GPRC5C: variants seen among roughly 807,000 people sequenced by gnomAD.
GPRC5C encodes G protein-coupled receptor family C group 5 member C.
In GPRC5C, 22 loss-of-function variants were observed where a neutral mutation model predicts 31.4. The ratio of observed to expected loss-of-function variants is 0.70; its 90% CI spans 0.50 to 1.00. The LOEUF (loss-of-function observed/expected upper bound fraction) is 1.00, where lower values mean the gene tolerates loss of function less well. GPRC5C is among the 50% of genes least tolerant of loss of function. The pLI, the probability that GPRC5C is intolerant of heterozygous loss-of-function variation, is 0.00. For missense variants in GPRC5C, 557 were observed against 597.2 expected, an observed-to-expected ratio of 0.93 and a Z score of 0.70; for synonymous variants, 249 against 257.5, an observed-to-expected ratio of 0.97 and a Z score of 0.32.
downstream of GPRC5C, chr17:74,448,795 A>C (rs1470820320): frequency 3.1e-5 from 30 of 974,572 alleles, no homozygotes; most frequent in Non-Finnish European, 4.3e-5. Context: ...ACAGGGCCTC[A>C]GAGTAGTTCT....
intron 2 of GPRC5C, 55 bp from the exon 3 acceptor site, chr17:74,443,763 G>T: frequency 7.8e-7 from 1 of 1,285,050 alleles, no homozygotes; most frequent in South Asian, 1.2e-5. Flanking sequence ...GTGGGAGGTG[G>T]GGAAGGGAGC....
intron 1 of GPRC5C, among the ~76,000 whole-genome samples, chr17:74,435,351 G>T (rs1193937154): frequency 6.6e-6 from 1 of 152,258 alleles, no homozygotes; most frequent in South Asian, 2.1e-4. Context: ...GCCACGCCCA[G>T]AAAGCCCAGG....
chr17:74,441,550 C>T lies in GPRC5C; in HGVS notation c.1051+723C>T, dbSNP rs114645316. On this transcript the variant is annotated intron_variant, in intron 2 of 3. Coordinates refer to ENST00000392627, the MANE Select transcript of GPRC5C (RefSeq NM_022036.4). The stretch of plus-strand genomic sequence containing the variant: ...ATTGAATTAATTAGTGCCGGCTGGG[C>T]GCCATGGCTCACACCTGTAATCCCA... Among the ~76,000 whole-genome samples the T allele has an allele frequency of 3.0e-3, 449 of 152,142 alleles. 1 individual carries two copies. Among genetic ancestry groups the T allele is most frequent in the African/African-American group, 0.01 (435 of 41,518 alleles).
At chr17:74,432,220 C>A (rs1482406231) in intron 1 of GPRC5C, 79 bp downstream of exon 1, 7 of 1,551,318 alleles carry the variant, frequency 4.5e-6, no homozygotes, top group Non-Finnish European at 5.2e-6. Context: ...CGGCGGGCGC[C>A]CGATTAGCGC....
downstream of GPRC5C, chr17:74,449,391 G>A (rs754623687): frequency 2.0e-5 from 25 of 1,273,194 alleles, no homozygotes; most frequent in East Asian, 1.1e-4. Flanking sequence ...GGGACTGCAC[G>A]GCATCCTGAT....
intron 2 of GPRC5C, among the ~76,000 whole-genome samples, chr17:74,442,900 G>T (rs574615703): frequency 6.6e-6 from 1 of 152,302 alleles, no homozygotes; most frequent in South Asian, 2.1e-4. Context: ...AGGAGCCTCA[G>T]GCCCCGCCCC....
At position 74,439,968 on chromosome 17, in the gene GPRC5C, G is replaced by A. The variant is rs183664785; in HGVS notation, c.192G>A (p.Thr64=). The A allele has an allele frequency of 8.9e-5, 143 of 1,610,338 alleles. No individual in the cohort carries two copies. In the East Asian group the frequency reaches 1.4e-3, roughly 16 times the overall value. The change falls in exon 2 of 4, where the codon ACG becomes ACA. Residue 64 remains threonine (T), a synonymous_variant. Transcript: ENST00000392627. The part of the protein sequence containing the change: ...EAVAGAGIVT[T]FVLTIILVAS... ...TGGCTGGGGCGGGCATTGTCACCAC[G>A]TTTGTGCTCACCATCATCCTGGTGG... is the stretch of plus-strand genomic sequence containing the variant.
rs1371535741 is a variant in GPRC5C at position 74,440,471 on chromosome 17, G to A, written c.695G>A (p.Cys232Tyr). The change falls in exon 2 of 4, where the codon TGT (cysteine) becomes TAT (tyrosine). Residue 232 changes from cysteine (C) to tyrosine (Y), a missense_variant. Coordinates refer to ENST00000392627, the MANE Select transcript of GPRC5C (RefSeq NM_022036.4). The surrounding 1 kb of genome is among the most constrained non-coding windows in gnomAD (Gnocchi z 4.4). ...TTCCTGGGGGCCTGGCCCGCCCTGT[G>A]TGGCCGCTACAAGCGCTGGCGTAAG... ...GAFLGAWPAL[C>Y]GRYKRWRKHG... 1.9e-6 allele frequency: 3 copies of A among 1,614,154 alleles called. No homozygotes were observed. The highest frequency in any genetic ancestry group is 1.7e-6 in the Non-Finnish European group (2 of 1,180,036).
At chr17:74,436,352 C>T (rs1244910813) in intron 1 of GPRC5C, among the ~76,000 whole-genome samples, 1 of 152,110 alleles carries the variant, frequency 6.6e-6, no homozygotes, top group Non-Finnish European at 1.5e-5. Context: ...TTTGGGTGTC[C>T]CTGTCTCTTG....
downstream of GPRC5C, chr17:74,449,890 T>C: frequency 6.5e-6 from 1 of 155,024 alleles, no homozygotes; most frequent in Non-Finnish European, 1.4e-5. Flanking sequence ...CACCAGGGCC[T>C]CCTGCCACCA....
intron 2 of GPRC5C, 158 bp from the exon 3 acceptor site, chr17:74,443,660 C>A (rs1246596879): frequency 1.5e-6 from 1 of 655,798 alleles, no homozygotes. Context: ...CACAACCTCA[C>A]CCCCAAGTTG....
At chr17:74,434,271 C>A (rs909786644) in intron 1 of GPRC5C, among the ~76,000 whole-genome samples, 1 of 152,206 alleles carries the variant, frequency 6.6e-6, no homozygotes, top group Non-Finnish European at 1.5e-5. Flanking sequence ...TCCTACCCCC[C>A]TCCTTGAACC....
chr17:74,447,299 G>A lies in GPRC5C; in HGVS notation c.*271G>A, dbSNP rs563641159. On this transcript the variant is annotated 3_prime_UTR_variant, in exon 4 of 4. Coordinates refer to ENST00000392627, the MANE Select transcript of GPRC5C (RefSeq NM_022036.4). ...TCCAGCCAAATAGTGTTCTCGGGGT[G>A]GTGGCTGGGCAGCGCCTATGTTTCT... 64 of 1,210,726 alleles carry A rather than the reference G, an allele frequency of 5.3e-5. No homozygotes were observed. The highest frequency in any genetic ancestry group is 8.2e-5 in the Admixed American group (2 of 24,324). 75.0% of individuals were successfully genotyped at this position (1,210,726 alleles called of 1,614,324 possible).
downstream of GPRC5C, among the ~76,000 whole-genome samples, chr17:74,448,135 C>T (rs888046452): frequency 6.6e-6 from 1 of 151,864 alleles, no homozygotes; most frequent in Non-Finnish European, 1.5e-5. Flanking sequence ...ATAGTGAGAC[C>T]TTGTTTCTAC....
intron 2 of GPRC5C, 38 bp from the exon 3 acceptor site, chr17:74,443,780 C>A: frequency 7.1e-7 from 1 of 1,418,144 alleles, no homozygotes; most frequent in Non-Finnish European, 1.0e-6. Context: ...GAGCTGAGAG[C>A]CCTGGGATCT....
chr17:74,445,689 A>C (rs1232756050), intron 3 of GPRC5C: 1 of 152,208 alleles, frequency 6.6e-6, no homozygotes, highest in Non-Finnish European at 1.5e-5. Flanking sequence ...TGGGAGCTAC[A>C]GAGATTTGGT....
At chr17:74,448,106 C>G (rs993193470), downstream of GPRC5C, among the ~76,000 whole-genome samples, 1 of 152,096 alleles carries the variant, frequency 6.6e-6, no homozygotes, top group African/African-American at 2.4e-5. Context: ...CCCAGGAGTT[C>G]CAGACTAGCC....
intron 1 of GPRC5C, among the ~76,000 whole-genome samples, chr17:74,435,891 C>T (rs1298804665): frequency 6.6e-6 from 1 of 152,208 alleles, no homozygotes; most frequent in African/African-American, 2.4e-5. Flanking sequence ...CCTTTTCCCC[C>T]ACCTCCGCCA....
chr17:74,435,642 G>T (rs1009103533), intron 1 of GPRC5C, among the ~76,000 whole-genome samples: 1 of 152,208 alleles, frequency 6.6e-6, no homozygotes, highest in Non-Finnish European at 1.5e-5. Context: ...GCAGAAGGAA[G>T]TTGCTGGTCA....
Sources: allele counts gnomAD v4.1 joint callset (sites outside exome capture counted in the v4.1 genomes callset), GRCh38; gene constraint gnomAD v4.1.1; non-coding constraint Gnocchi (gnomAD v3.1); transcripts MANE v1.5; gene names NCBI Gene and HGNC (gene_info 2026-07-23, HGNC 2026-07-21).